The following ZNF280C variants were observed in gnomAD, a reference collection of about 807,000 sequenced individuals.
ZNF280C encodes suppressor of hairy wing homolog 3.
Under a neutral mutation model 53.6 loss-of-function variants are expected in ZNF280C, and 14 were observed. The ratio of observed to expected loss-of-function variants is 0.26; its 90% CI spans 0.17 to 0.41. The LOEUF is 0.41. ZNF280C is among the 10% of genes least tolerant of loss of function. The pLI, the probability that ZNF280C is intolerant of heterozygous loss-of-function variation, is 1.00. For missense variants in ZNF280C, 416 were observed against 547.1 expected (o/e 0.76, Z 2.39); for synonymous variants, 203 against 181.1 (o/e 1.12, Z -0.97).
At chrX:130,215,036 C>T (rs1361553326) in intron 15 of ZNF280C, among the ~76,000 whole-genome samples, 157 bp downstream of exon 15, 6 of 111,872 alleles carry the variant, frequency 5.4e-5, no homozygotes, top group African/African-American at 1.9e-4. Context: ...AGTTACTATG[C>T]TGGAAAATAG....
chrX:130,204,200 C>T lies in ZNF280C; in HGVS notation c.*777G>A, dbSNP rs1210286794. On this transcript the variant is annotated 3_prime_UTR_variant, in exon 19 of 19. Transcript: ENST00000370978. ...AAGAGCAGCAGCCAAAATGGTTAAA[C>T]GTCAACCTGGATGTTGAAGCACTGA... 2 of 112,700 alleles carry T rather than the reference C, an allele frequency of 1.8e-5. No individual in the cohort carries two copies. The highest frequency in any genetic ancestry group is 3.8e-5 in the Non-Finnish European group (2 of 53,314). The allele number at this position is 112,700 out of a possible 1,213,427, so 9.3% of individuals were successfully genotyped here.
chrX:130,213,334 C>T (rs1485756443), intron 15 of ZNF280C, among the ~76,000 whole-genome samples: 4 of 112,293 alleles, frequency 3.6e-5, no homozygotes, highest in Non-Finnish European at 5.6e-5. Context: ...GATCATGCCA[C>T]TGCACTCCAG....
chrX:130,251,282 C>CAAAAAAA (rs61571389), intron 2 of ZNF280C, among the ~76,000 whole-genome samples: 3 of 15,339 alleles, frequency 2.0e-4, no homozygotes, highest in African/African-American at 3.9e-4. Flanking sequence ...GGACCTGTCT[C>CAAAAAAA]AAAAAAAAAA....
chrX:130,245,577 A>C (rs960656416), intron 3 of ZNF280C, among the ~76,000 whole-genome samples: 1 of 111,627 alleles, frequency 9.0e-6, no homozygotes, highest in African/African-American at 3.3e-5. Flanking sequence ...AAGAGAAGTA[A>C]GAACTAGGAT....
At chrX:130,260,541 G>A in intron 1 of ZNF280C, 76 bp from the exon 2 acceptor site, 1 of 810,507 alleles carries the variant, frequency 1.2e-6, no homozygotes, top group Non-Finnish European at 1.7e-6. Context: ...CATGAAACCT[G>A]AGATCCAAAA....
At chrX:130,231,298 T>C (rs2032273723) in intron 8 of ZNF280C, among the ~76,000 whole-genome samples, 1 of 111,667 alleles carries the variant, frequency 9.0e-6, no homozygotes. Flanking sequence ...AGCGAAGACA[T>C]GGAATCAACC....
rs766511417 is a variant in ZNF280C, at chrX:130,264,043, AAAAG to A, written c.-16-3582_-16-3579del. Among the ~76,000 whole-genome samples the A allele has an allele frequency of 5.5e-3, 563 of 102,974 alleles. 1 individual carries two copies. The highest frequency in any genetic ancestry group is 7.7e-3 in the Non-Finnish European group (394 of 51,055). 89.4% of individuals were successfully genotyped at this position (102,974 alleles called of 115,157 possible). On this transcript the variant is annotated intron_variant, in intron 1 of 18. Coordinates refer to ENST00000370978, the MANE Select transcript of ZNF280C (RefSeq NM_017666.5). ...CCATCTCAAAAAAAAAAAAAAAAAG[AAAAG>A]AAAGAAAGAAAGAAAGAAAGAAAGA...
chrX:130,260,553 C>T (rs2032620916), intron 1 of ZNF280C, 88 bp from the exon 2 acceptor site: 1 of 700,485 alleles, frequency 1.4e-6, no homozygotes, highest in Non-Finnish European at 2.1e-6. Flanking sequence ...GATCCAAAAT[C>T]TTTGGGTCTA....
At chrX:130,259,352 C>G (rs184026675) in intron 2 of ZNF280C, among the ~76,000 whole-genome samples, 1 of 112,083 alleles carries the variant, frequency 8.9e-6, no homozygotes, top group African/African-American at 3.2e-5. Context: ...ACAAGGGAGA[C>G]TCATATATAC....
chrX:130,232,891 T>TA (rs2032292626), intron 8 of ZNF280C, among the ~76,000 whole-genome samples: 1 of 111,632 alleles, frequency 9.0e-6, no homozygotes, highest in Non-Finnish European at 1.9e-5. Context: ...CCCATGTAGG[T>TA]AGACTTCATT....
chrX:130,224,711 C>T (rs1212372790), intron 12 of ZNF280C, among the ~76,000 whole-genome samples: 1 of 111,491 alleles, frequency 9.0e-6, no homozygotes, highest in Non-Finnish European at 1.9e-5. Flanking sequence ...TGCAGCAACA[C>T]GTATAAAGTG....
chrX:130,229,866 C>G (rs2032259341), intron 9 of ZNF280C, among the ~76,000 whole-genome samples: 1 of 111,998 alleles, frequency 8.9e-6, no homozygotes, highest in African/African-American at 3.2e-5. Flanking sequence ...AAAGGGCTTA[C>G]TAAAACTTTT....
At chrX:130,265,350 T>C (rs374590897) in intron 1 of ZNF280C, among the ~76,000 whole-genome samples, 4 of 112,152 alleles carry the variant, frequency 3.6e-5, no homozygotes, top group East Asian at 2.8e-4. Context: ...TACTTTATAC[T>C]CAGGGTATAG....
chrX:130,250,369 T>C (rs1017519820), intron 2 of ZNF280C, among the ~76,000 whole-genome samples: 11 of 110,413 alleles, frequency 1.0e-4, no homozygotes, highest in African/African-American at 3.6e-4. Context: ...TTTGAAAAAA[T>C]TAATAAAATA....
At chrX:130,242,830 T>A (rs942934009) in intron 5 of ZNF280C, among the ~76,000 whole-genome samples, 5 of 111,434 alleles carry the variant, frequency 4.5e-5, no homozygotes, top group African/African-American at 1.6e-4. Context: ...GCATGAGCCA[T>A]TGCGCCCAGC....
chrX:130,257,034 A>C (rs1021439360), intron 2 of ZNF280C, among the ~76,000 whole-genome samples: 11 of 108,542 alleles, frequency 1.0e-4, no homozygotes, highest in African/African-American at 3.7e-4. Flanking sequence ...CCCCGTCTCT[A>C]CTAAAAACAC....
At chrX:130,244,602 CCT>C (rs2032429039) in intron 3 of ZNF280C, among the ~76,000 whole-genome samples, 1 of 108,346 alleles carries the variant, frequency 9.2e-6, no homozygotes, top group Non-Finnish European at 1.9e-5. Context: ...ATGGTGAAAC[CCT>C]GTCTCTACTA....
intron 15 of ZNF280C, among the ~76,000 whole-genome samples, chrX:130,210,083 C>T (rs775139878): frequency 9.0e-6 from 1 of 111,615 alleles, no homozygotes; most frequent in East Asian, 2.8e-4. Flanking sequence ...TGGGCCCTCA[C>T]CCAGACACCG....
At chrX:130,222,350 AT>A (rs2032176818) in intron 12 of ZNF280C, among the ~76,000 whole-genome samples, 1 of 104,058 alleles carries the variant, frequency 9.6e-6, no homozygotes, top group African/African-American at 3.6e-5. Flanking sequence ...ACCATGATGC[AT>A]TATTTCAGTG....
Sources: allele counts gnomAD v4.1 joint callset (sites outside exome capture counted in the v4.1 genomes callset), GRCh38; gene constraint gnomAD v4.1.1; transcripts MANE v1.5; gene names NCBI Gene and HGNC (gene_info 2026-07-23, HGNC 2026-07-21).